The following DLGAP1 variants were observed in gnomAD, a reference collection of about 807,000 sequenced individuals.
DLGAP1 encodes the protein disks large-associated protein 1.
A neutral mutation model predicts 90.8 loss-of-function variants in DLGAP1; 11 were observed. The ratio of observed to expected loss-of-function variants is 0.12; its 90% CI spans 0.08 to 0.20. The LOEUF is 0.20. Ranked by LOEUF, DLGAP1 falls within the 10% of genes least tolerant of loss-of-function variation. DLGAP1 has a pLI of 1.00. For synonymous variants in DLGAP1, 558 were observed against 540.7 expected (o/e 1.03, Z -0.44); for missense variants, 1,050 against 1,333.8 (o/e 0.79, Z 3.31).
intron 7 of DLGAP1, among the ~76,000 whole-genome samples, chr18:3,601,466 T>C (rs1248246861): frequency 1.3e-5 from 2 of 151,650 alleles, no homozygotes; most frequent in African/African-American, 4.9e-5. Flanking sequence ...GTGTGTGTTT[T>C]AACTCATCTT....
chr18:3,645,321 T>C (rs1026980312), intron 7 of DLGAP1, among the ~76,000 whole-genome samples: 1 of 152,060 alleles, frequency 6.6e-6, no homozygotes, highest in Non-Finnish European at 1.5e-5. Context: ...ATTTCAATTG[T>C]TGAGCTATGT....
chr18:4,401,255 T>C (rs2082548210), intron 1 of DLGAP1, among the ~76,000 whole-genome samples: 1 of 152,206 alleles, frequency 6.6e-6, no homozygotes, highest in Non-Finnish European at 1.5e-5. Flanking sequence ...AATTTTTCAG[T>C]TAATAATCAC....
At chr18:4,098,509 A>T (rs951058424) in intron 2 of DLGAP1, among the ~76,000 whole-genome samples, 5 of 152,208 alleles carry the variant, frequency 3.3e-5, no homozygotes, top group Admixed American at 2.0e-4. Context: ...GCTGTGGTGA[A>T]GAGTTAGGTA....
At chr18:4,267,040 C>T (rs1314169070) in intron 1 of DLGAP1, among the ~76,000 whole-genome samples, 1 of 152,178 alleles carries the variant, frequency 6.6e-6, no homozygotes, top group Non-Finnish European at 1.5e-5. Context: ...TACTCTTTTG[C>T]AACTATTTGC....
chr18:3,945,456 G>T (rs1337294720), intron 3 of DLGAP1, among the ~76,000 whole-genome samples: 1 of 152,174 alleles, frequency 6.6e-6, no homozygotes, highest in Non-Finnish European at 1.5e-5. Context: ...GGAGTAGAAT[G>T]TAGGGCTTAG....
chr18:4,171,953 T>C (rs558053944), intron 1 of DLGAP1, among the ~76,000 whole-genome samples: 40 of 152,358 alleles, frequency 2.6e-4, no homozygotes, highest in African/African-American at 7.7e-4. Context: ...CAGAGCCTCC[T>C]GGATCTTTTT....
chr18:4,140,696 C>T (rs1432906315), intron 2 of DLGAP1, among the ~76,000 whole-genome samples: 1 of 151,988 alleles, frequency 6.6e-6, no homozygotes, highest in Non-Finnish European at 1.5e-5. Context: ...GATTAAAGTA[C>T]TCCCTTTAGC....
At chr18:3,669,777 T>C (rs758706100) in intron 7 of DLGAP1, among the ~76,000 whole-genome samples, 10 of 152,184 alleles carry the variant, frequency 6.6e-5, no homozygotes, top group African/African-American at 2.4e-4. Context: ...GTTCTTCCGG[T>C]GCACCAAGGC....
At chr18:4,361,760 T>C (rs1402819610) in intron 1 of DLGAP1, among the ~76,000 whole-genome samples, 5 of 152,084 alleles carry the variant, frequency 3.3e-5, no homozygotes, top group African/African-American at 4.8e-5. Context: ...AAAAACTGTG[T>C]GTCAAAAGAC....
chr18:4,080,680 A>T (rs190620216), intron 2 of DLGAP1, among the ~76,000 whole-genome samples: 1 of 151,754 alleles, frequency 6.6e-6, no homozygotes, highest in African/African-American at 2.4e-5. Context: ...ATAGAACAAG[A>T]CCCCCTTTGC....
chr18:3,808,494 T>C (rs2066674110), intron 5 of DLGAP1, among the ~76,000 whole-genome samples: 1 of 152,150 alleles, frequency 6.6e-6, no homozygotes, highest in African/African-American at 2.4e-5. Flanking sequence ...TTCTCCCTAC[T>C]TTGTGAGGAG....
At chr18:3,710,175 T>C (rs1392752327) in intron 7 of DLGAP1, among the ~76,000 whole-genome samples, 1 of 152,226 alleles carries the variant, frequency 6.6e-6, no homozygotes, top group Non-Finnish European at 1.5e-5. Flanking sequence ...TCTTTCATTT[T>C]ACACTAGGAA....
chr18:4,067,408 C>A (rs1234357971), intron 2 of DLGAP1, among the ~76,000 whole-genome samples: 1 of 151,856 alleles, frequency 6.6e-6, no homozygotes, highest in African/African-American at 2.4e-5. Context: ...GTAGTTAAAG[C>A]CACAATGGGA....
chr18:4,155,607 T>C lies in DLGAP1; in HGVS notation c.-266-4320A>G, dbSNP rs559949958. 2.6e-5 allele frequency among the ~76,000 whole-genome samples: 4 copies of C among 152,306 alleles called. No individual in the cohort carries two copies. The South Asian group carries it at 8.3e-4, about 32-fold the overall frequency. On this transcript the variant is annotated intron_variant, in intron 1 of 12. Transcript: ENST00000315677. ...ATTCATTAAGAGCAAACTACACTAC[T>C]GAAAAGTGGGTATATGTATATTAAA...
intron 7 of DLGAP1, 146 bp downstream of exon 7, chr18:3,728,989 A>ATC: frequency 8.0e-7 from 1 of 1,250,484 alleles, no homozygotes. Context: ...AGAGGCAGAT[A>ATC]GGGAAGGAAA....
At chr18:4,222,126 T>G (rs1207478571) in intron 1 of DLGAP1, among the ~76,000 whole-genome samples, 1 of 152,174 alleles carries the variant, frequency 6.6e-6, no homozygotes, top group Non-Finnish European at 1.5e-5. Context: ...ATCAGATGAT[T>G]TTATTTTCTT....
chr18:4,305,509 G>A (rs931539238), intron 1 of DLGAP1, among the ~76,000 whole-genome samples: 24 of 147,132 alleles, frequency 1.6e-4, no homozygotes, highest in Non-Finnish European at 3.3e-4. Flanking sequence ...ACTCCAGCCT[G>A]GGAAACAACA....
chr18:4,030,486 C>T (rs1234401694), intron 2 of DLGAP1, among the ~76,000 whole-genome samples: 1 of 152,166 alleles, frequency 6.6e-6, no homozygotes, highest in Admixed American at 6.5e-5. Context: ...CATTCTTTTC[C>T]AGAGAGGAAC....
chr18:4,195,069 T>A (rs1235711925), intron 1 of DLGAP1, among the ~76,000 whole-genome samples: 2 of 152,190 alleles, frequency 1.3e-5, no homozygotes, highest in Non-Finnish European at 2.9e-5. Flanking sequence ...AAATATCATT[T>A]GAAGAAAAAA....
Sources: allele counts gnomAD v4.1 joint callset (sites outside exome capture counted in the v4.1 genomes callset), GRCh38; gene constraint gnomAD v4.1.1; transcripts MANE v1.5; gene names NCBI Gene and HGNC (gene_info 2026-07-23, HGNC 2026-07-21).